Variants in MALRD1 observed in about 807,000 individuals in gnomAD.
MALRD1 encodes the protein MAM and LDL receptor class A domain containing 1, also known as MAM and LDL-receptor class A domain-containing protein 1.
In MALRD1, 247 loss-of-function variants were observed where a neutral mutation model predicts 242.1. The observed-to-expected ratio is 1.02, with a 90% confidence interval of 0.92 to 1.13. The LOEUF (loss-of-function observed/expected upper bound fraction) is 1.13, where lower values mean the gene tolerates loss of function less well. Among genes scored for constraint, MALRD1 ranks in the 50% most tolerant of loss-of-function variants. The pLI is 0.00. For missense variants in MALRD1, 2,989 were observed against 2,533.1 expected, an observed-to-expected ratio of 1.18 and a Z score of -3.86; for synonymous variants, 995 against 866.6, an observed-to-expected ratio of 1.15 and a Z score of -2.60.
chr10:19,509,036 A>G (rs930007135), intron 31 of MALRD1, among the ~76,000 whole-genome samples: 3 of 152,230 alleles, frequency 2.0e-5, no homozygotes, highest in Non-Finnish European at 4.4e-5. Context: ...AAAGAGAACA[A>G]TGAAAAGCAA....
At chr10:19,516,716 A>C (rs577502503) in intron 31 of MALRD1, among the ~76,000 whole-genome samples, 42 of 121,410 alleles carry the variant, frequency 3.5e-4, no homozygotes, top group African/African-American at 4.9e-4. Flanking sequence ...TCCCTTGCTT[A>C]CCTCCCTCCC....
intron 33 of MALRD1, among the ~76,000 whole-genome samples, chr10:19,571,105 C>T (rs1836513277): frequency 6.6e-6 from 1 of 152,050 alleles, no homozygotes; most frequent in African/African-American, 2.4e-5. Flanking sequence ...TAACTCATAT[C>T]TGTGAAACTT....
At chr10:19,140,100 C>A (rs1159173120) in intron 10 of MALRD1, among the ~76,000 whole-genome samples, 1 of 151,930 alleles carries the variant, frequency 6.6e-6, no homozygotes, top group African/African-American at 2.4e-5. Context: ...TAATATAATC[C>A]TGTTAGAATC....
At chr10:19,405,474 G>A (rs1847052403) in intron 28 of MALRD1, among the ~76,000 whole-genome samples, 1 of 152,104 alleles carries the variant, frequency 6.6e-6, no homozygotes, top group Admixed American at 6.6e-5. Context: ...TGAGACCCCT[G>A]ACTTGATCAT....
At chr10:19,523,832 C>A (rs185405466) in intron 31 of MALRD1, among the ~76,000 whole-genome samples, 2 of 149,710 alleles carry the variant, frequency 1.3e-5, no homozygotes, top group Non-Finnish European at 3.0e-5. Flanking sequence ...CTGCGGGGGG[C>A]GCATGGGGGG....
At chr10:19,215,476 G>A (rs1203413086) in intron 18 of MALRD1, among the ~76,000 whole-genome samples, 1 of 152,044 alleles carries the variant, frequency 6.6e-6, no homozygotes, top group Non-Finnish European at 1.5e-5. Flanking sequence ...ACATCATCTC[G>A]TTTCTTCTTT....
intron 18 of MALRD1, among the ~76,000 whole-genome samples, chr10:19,226,923 C>A (rs1031685156): frequency 1.3e-5 from 2 of 151,744 alleles, no homozygotes; most frequent in Non-Finnish European, 2.9e-5. Context: ...CTTATAATAG[C>A]CTCAAAAATA....
intron 31 of MALRD1, among the ~76,000 whole-genome samples, chr10:19,529,256 A>G (rs1269987156): frequency 6.6e-6 from 1 of 152,202 alleles, no homozygotes; most frequent in Non-Finnish European, 1.5e-5. Flanking sequence ...GAAATGCCCA[A>G]TTATATTATA....
intron 36 of MALRD1, among the ~76,000 whole-genome samples, chr10:19,617,168 G>A (rs2131613823): frequency 6.6e-6 from 1 of 152,042 alleles, no homozygotes; most frequent in South Asian, 2.1e-4. Flanking sequence ...GAAAGAGCAA[G>A]AAAAGAGCTT....
chr10:19,097,572 C>T (rs1836087830), intron 4 of MALRD1, among the ~76,000 whole-genome samples: 1 of 152,144 alleles, frequency 6.6e-6, no homozygotes, highest in Admixed American at 6.5e-5. Context: ...GAAATGTAGT[C>T]CCCAATTCAG....
In MALRD1 at chr10:19,091,759, G is replaced by A. The variant is rs1186093565; in HGVS notation, c.597+3574G>A. ...TAAATTTCCCTGTACACACTGCTTT[G>A]AATGTGTCCCAGAGATTCTGGTATG... On this transcript the variant is annotated intron_variant, in intron 4 of 39. Coordinates refer to ENST00000454679, the MANE Select transcript of MALRD1 (RefSeq NM_001142308.3). Among the ~76,000 whole-genome samples, 3 of 91,920 alleles carry A rather than the reference G, an allele frequency of 3.3e-5. 1 individual carries two copies. The highest frequency in any genetic ancestry group is 1.5e-4 in the African/African-American group (3 of 19,872). 60.3% of individuals were successfully genotyped at this position (91,920 alleles called of 152,430 possible).
chr10:19,471,636 A>T, intron 29 of MALRD1, among the ~76,000 whole-genome samples: 2 of 134,842 alleles, frequency 1.5e-5, no homozygotes, highest in Non-Finnish European at 1.6e-5. Context: ...TTTACTTTTC[A>T]GTATGCATAT....
intron 38 of MALRD1, among the ~76,000 whole-genome samples, chr10:19,719,223 C>CGT (rs1834602158): frequency 2.6e-5 from 2 of 76,444 alleles, no homozygotes; most frequent in African/African-American, 1.2e-4. Context: ...CACATACATA[C>CGT]ATATATATAT....
At chr10:19,429,431 G>A (rs1834032805) in intron 28 of MALRD1, among the ~76,000 whole-genome samples, 1 of 152,120 alleles carries the variant, frequency 6.6e-6, no homozygotes. Flanking sequence ...GGGCGTGGTG[G>A]TGCACACCTG....
rs1050974281 is a variant in MALRD1, at chr10:19,427,201, C to G, written c.4846-23106C>G. On this transcript the variant is annotated intron_variant, in intron 28 of 39. Transcript: ENST00000454679. ...TGGCATCCTTGTTCTTTGTAAATGT[C>G]TTACCATTTATTGCTGAGTAATTAA... Among the ~76,000 whole-genome samples the G allele has an allele frequency of 9.9e-5, 15 of 152,094 alleles. 1 individual carries two copies. Among genetic ancestry groups the G allele is most frequent in the Non-Finnish European group, 2.2e-4 (15 of 68,018 alleles).
chr10:19,070,593 T>C (rs1467313197), intron 2 of MALRD1, among the ~76,000 whole-genome samples: 2 of 152,116 alleles, frequency 1.3e-5, no homozygotes, highest in Admixed American at 6.6e-5. Flanking sequence ...TATTTTCCCT[T>C]ACTTCATTGT....
chr10:19,473,598 T>G (rs1836599187), intron 29 of MALRD1, among the ~76,000 whole-genome samples: 1 of 152,174 alleles, frequency 6.6e-6, no homozygotes, highest in African/African-American at 2.4e-5. Flanking sequence ...GACTGGTTTA[T>G]TTCATTTAGC....
At chr10:19,331,030 C>T (rs1843338201) in intron 23 of MALRD1, among the ~76,000 whole-genome samples, 1 of 152,132 alleles carries the variant, frequency 6.6e-6, no homozygotes, top group African/African-American at 2.4e-5. Flanking sequence ...CAGTGATGCT[C>T]TAAAACAGGA....
chr10:19,515,592 C>G (rs1833590882), intron 31 of MALRD1, among the ~76,000 whole-genome samples: 1 of 151,894 alleles, frequency 6.6e-6, no homozygotes, highest in South Asian at 2.1e-4. Context: ...CAGAGTCTCG[C>G]TCTGTTGCCC....
Sources: allele counts gnomAD v4.1 joint callset (sites outside exome capture counted in the v4.1 genomes callset), GRCh38; gene constraint gnomAD v4.1.1; transcripts MANE v1.5; gene names NCBI Gene and HGNC (gene_info 2026-07-23, HGNC 2026-07-21).